STXBP5L: variants seen among roughly 807,000 people sequenced by gnomAD.
The protein encoded by STXBP5L is syntaxin-binding protein 5-like.
STXBP5L carries 65 observed loss-of-function variants against 144.5 expected under a neutral mutation model. That is an observed-to-expected ratio of 0.45 (90% CI 0.37 to 0.55). STXBP5L has a LOEUF of 0.55. STXBP5L is among the 20% of genes least tolerant of loss of function. The pLI is 0.00. For synonymous variants in STXBP5L, 505 were observed against 469.6 expected (o/e 1.08, Z -0.97); for missense variants, 1,298 against 1,405.5 (o/e 0.92, Z 1.22).
chr3:121,293,655 T>A (rs976572595), intron 19 of STXBP5L, among the ~76,000 whole-genome samples: 2 of 151,176 alleles, frequency 1.3e-5, no homozygotes, highest in Non-Finnish European at 3.0e-5. Context: ...AGGTCAGGAG[T>A]TCAAGACAAG....
rs72969915 is a variant in STXBP5L at position 121,367,851 on chromosome 3, C to T, written c.2177-10865C>T. The stretch of plus-strand genomic sequence containing the variant: ...TGTTGCCCAGGATGGTCTCAAACTC[C>T]GGAACTCAAGCAGTCTTCCTGCCTT... On this transcript the variant is annotated intron_variant, in intron 20 of 26. Coordinates refer to ENST00000471454, the MANE Select transcript of STXBP5L (RefSeq NM_001308330.2). Among the ~76,000 whole-genome samples, 461 of 137,800 alleles carry T rather than the reference C, an allele frequency of 3.3e-3. 5 individuals are homozygous for T. The highest frequency in any genetic ancestry group is 9.3e-3 in the African/African-American group (338 of 36,224). The allele number at this position is 137,800 out of a possible 152,430, so 90.4% of individuals were successfully genotyped here.
intron 5 of STXBP5L, among the ~76,000 whole-genome samples, chr3:121,058,163 C>T (rs1948587765): frequency 1.3e-5 from 2 of 152,168 alleles, no homozygotes; most frequent in Non-Finnish European, 2.9e-5. Context: ...GTGTGATATT[C>T]CCCTCCCTGT....
intron 19 of STXBP5L, among the ~76,000 whole-genome samples, chr3:121,314,804 C>T (rs1231834414): frequency 2.0e-5 from 3 of 152,018 alleles, no homozygotes; most frequent in Non-Finnish European, 4.4e-5. Flanking sequence ...AACAAACAAC[C>T]CCATCAAAAA....
rs34239616 is a variant in STXBP5L, at chr3:121,382,103, C to CT, written c.2587+581dup. ...TGTATTCTCTTCCTCCTTGAATTAT[C>CT]TTTTTTTTTTGAAGAAGAGATAAGT... is the stretch of plus-strand genomic sequence containing the variant. On this transcript the variant is annotated intron_variant, in intron 22 of 26. Coordinates refer to ENST00000471454, the MANE Select transcript of STXBP5L (RefSeq NM_001308330.2). Among the ~76,000 whole-genome samples, 37 of 148,840 alleles carry CT rather than the reference C, an allele frequency of 2.5e-4. 1 individual carries two copies. The South Asian group carries it at 2.8e-3, about 11-fold the overall frequency.
At chr3:121,084,975 CTT>C (rs907617433) in intron 5 of STXBP5L, among the ~76,000 whole-genome samples, 4 of 150,952 alleles carry the variant, frequency 2.6e-5, no homozygotes, top group East Asian at 1.9e-4. Context: ...ATGATGTTGA[CTT>C]TTTTTTTCAT....
intron 3 of STXBP5L, among the ~76,000 whole-genome samples, chr3:121,041,497 A>G (rs1346503289): frequency 2.0e-5 from 3 of 152,036 alleles, no homozygotes; most frequent in Non-Finnish European, 2.9e-5. Flanking sequence ...CCTTATTGTC[A>G]TTCTTTTTTT....
At chr3:121,003,282 T>C (rs1288093693) in intron 3 of STXBP5L, among the ~76,000 whole-genome samples, 1 of 151,518 alleles carries the variant, frequency 6.6e-6, no homozygotes, top group African/African-American at 2.4e-5. Context: ...ATTGTGGTTT[T>C]GATTTACATT....
intron 3 of STXBP5L, 21 bp from the exon 4 acceptor site, chr3:121,041,679 C>A (rs777236187): frequency 1.3e-6 from 2 of 1,575,620 alleles, no homozygotes; most frequent in South Asian, 2.2e-5. Flanking sequence ...ATGTTAGAAT[C>A]CTTGACTTTT....
chr3:121,207,748 G>A (rs2048395000), intron 10 of STXBP5L, among the ~76,000 whole-genome samples: 1 of 152,108 alleles, frequency 6.6e-6, no homozygotes, highest in African/African-American at 2.4e-5. Flanking sequence ...ATCATCACTG[G>A]CCATCAGAGA....
chr3:121,046,929 C>T (rs1420573554), intron 5 of STXBP5L, among the ~76,000 whole-genome samples: 1 of 151,850 alleles, frequency 6.6e-6, no homozygotes, highest in Non-Finnish European at 1.5e-5. Context: ...TTCTCTAGTT[C>T]CTCTAGGTGT....
At chr3:120,994,271 C>A (rs183783825) in intron 3 of STXBP5L, among the ~76,000 whole-genome samples, 13 of 152,000 alleles carry the variant, frequency 8.6e-5, no homozygotes, top group Admixed American at 7.2e-4. Flanking sequence ...AATTTGGATG[C>A]CTTTTATTTT....
chr3:121,322,240 A>G (rs549793386), intron 20 of STXBP5L, among the ~76,000 whole-genome samples: 47 of 152,264 alleles, frequency 3.1e-4, no homozygotes, highest in African/African-American at 1.1e-3. Flanking sequence ...GCACTTTGGG[A>G]GGCCGAGATG....
intron 10 of STXBP5L, among the ~76,000 whole-genome samples, chr3:121,216,669 C>A (rs1330349320): frequency 6.6e-6 from 1 of 152,174 alleles, no homozygotes; most frequent in Non-Finnish European, 1.5e-5. Context: ...TGTCAAGGGC[C>A]CACTTGAAGA....
intron 18 of STXBP5L, among the ~76,000 whole-genome samples, chr3:121,275,740 A>C: frequency 6.6e-6 from 1 of 152,248 alleles, no homozygotes; most frequent in Middle Eastern, 3.4e-3. Context: ...TAGGATTGCT[A>C]TATCTTCTTA....
chr3:120,981,069 T>C (rs1941722854), intron 3 of STXBP5L, among the ~76,000 whole-genome samples: 1 of 152,156 alleles, frequency 6.6e-6, no homozygotes, highest in African/African-American at 2.4e-5. Flanking sequence ...TGCTGAGAAG[T>C]CCACTGTCAG....
At chr3:121,019,953 G>A (rs901377339) in intron 3 of STXBP5L, among the ~76,000 whole-genome samples, 2 of 152,176 alleles carry the variant, frequency 1.3e-5, no homozygotes, top group African/African-American at 4.8e-5. Context: ...AAAGAATTCA[G>A]AAGGTCGACT....
At chr3:121,007,054 C>G (rs1048386057) in intron 3 of STXBP5L, among the ~76,000 whole-genome samples, 8 of 152,078 alleles carry the variant, frequency 5.3e-5, no homozygotes, top group African/African-American at 1.9e-4. Flanking sequence ...TGAGGAGTAT[C>G]TTTGTGGCGT....
At chr3:121,158,796 T>A (rs2046210415) in intron 9 of STXBP5L, 1 of 152,228 alleles carries the variant, frequency 6.6e-6, no homozygotes, top group Non-Finnish European at 1.5e-5. Context: ...AATTTTCTAC[T>A]TACTTCCTTA....
chr3:121,078,409 C>G (rs2042113162), intron 5 of STXBP5L, among the ~76,000 whole-genome samples: 1 of 152,242 alleles, frequency 6.6e-6, no homozygotes, highest in South Asian at 2.1e-4. Context: ...TTTACAATCC[C>G]TTAGCTAGAC....
Sources: allele counts gnomAD v4.1 joint callset (sites outside exome capture counted in the v4.1 genomes callset), GRCh38; gene constraint gnomAD v4.1.1; transcripts MANE v1.5; gene names NCBI Gene and HGNC (gene_info 2026-07-23, HGNC 2026-07-21).